SECISBP2L: variants seen among roughly 807,000 people sequenced by gnomAD.
The protein encoded by SECISBP2L is SECIS binding protein 2 like.
In SECISBP2L, 43 loss-of-function variants were observed where a neutral mutation model predicts 114.7. The observed-to-expected ratio is 0.38, with a 90% CI of 0.29 to 0.48. SECISBP2L has a LOEUF of 0.48. Among genes scored for constraint, SECISBP2L ranks in the 20% least tolerant of loss-of-function variants. The pLI is 0.98. For missense variants in SECISBP2L, 1,136 were observed against 1,301.1 expected (o/e 0.87, Z 1.95); for synonymous variants, 451 against 439.7 (o/e 1.03, Z -0.32).
chr15:48,992,993 A>C, intron 17 of SECISBP2L, 67 bp from the exon 18 acceptor site: 1 of 1,331,356 alleles, frequency 7.5e-7, no homozygotes, highest in African/African-American at 1.5e-5. Context: ...CTCTTTAAAA[A>C]CCCCCAAAAA....
At chr15:49,025,149 T>C (rs1306024448) in intron 7 of SECISBP2L, among the ~76,000 whole-genome samples, 1 of 152,242 alleles carries the variant, frequency 6.6e-6, no homozygotes, top group Non-Finnish European at 1.5e-5. Flanking sequence ...TTAGCTCTTT[T>C]GTTTTTAATC....
At chr15:49,001,434 T>C (rs1902206672) in intron 14 of SECISBP2L, among the ~76,000 whole-genome samples, 1 of 151,724 alleles carries the variant, frequency 6.6e-6, no homozygotes, top group Non-Finnish European at 1.5e-5. Context: ...TTAACAAATA[T>C]ATTTGTTGTC....
In SECISBP2L at chr15:49,035,378, T is replaced by C. The variant is rs770867762; in HGVS notation, c.484A>G (p.Ser162Gly). The change falls in exon 3 of 18, where the codon AGC becomes GGC. Residue 162 changes from serine (S) to glycine (G), a missense_variant. Physicochemically the swap from Ser to Gly is moderately conservative, Grantham distance 56 (BLOSUM62 0). Transcript: ENST00000559471. ...SQLGQVFPLS[S>G]HRSRNSNRGS... ...CTGTTACTGTTTCTGCTTCGATGGC[T>C]GGACAATGGGAAGACCTGTCCAAGC... is the stretch of plus-strand genomic sequence containing the variant. 7.7e-5 allele frequency: 124 copies of C among 1,614,076 alleles called. No individual in the cohort carries two copies. Among genetic ancestry groups the C allele is most frequent in the Non-Finnish European group, 9.2e-5 (109 of 1,180,026 alleles).
chr15:48,993,374 G>A (rs936445606), intron 17 of SECISBP2L, among the ~76,000 whole-genome samples: 2 of 152,000 alleles, frequency 1.3e-5, no homozygotes, highest in African/African-American at 2.4e-5. Context: ...GTATATTAAC[G>A]CTTCAGAATG....
At chr15:49,043,795 C>T (rs923673489) in intron 1 of SECISBP2L, among the ~76,000 whole-genome samples, 12 of 151,884 alleles carry the variant, frequency 7.9e-5, no homozygotes, top group African/African-American at 2.7e-4. Context: ...TTCAAATAAT[C>T]ATTATTGCAA....
chr15:49,001,183 G>T, intron 14 of SECISBP2L, 86 bp from the exon 15 acceptor site: 1 of 813,126 alleles, frequency 1.2e-6, no homozygotes, highest in Non-Finnish European at 1.9e-6. Flanking sequence ...ATCTCTAAGA[G>T]AAAATATATA....
chr15:49,022,389 C>T (rs1902657397), intron 7 of SECISBP2L, among the ~76,000 whole-genome samples: 1 of 152,176 alleles, frequency 6.6e-6, no homozygotes, highest in African/African-American at 2.4e-5. Flanking sequence ...CGCTTGAGGT[C>T]AGGAGTTCGA....
In SECISBP2L at chr15:49,040,693, G is replaced by A. The variant is rs189137791; in HGVS notation, c.25-2924C>T. Among the ~76,000 whole-genome samples the A allele has an allele frequency of 1.1e-3, 160 of 150,650 alleles. 2 individuals carry two copies. The East Asian group carries it at 0.026, about 25-fold the overall frequency. ...TGGGACTACAGGCGCCCACCATCAC[G>A]CCCGGCTAATTTTTTTTTGAATTTT... On this transcript the variant is annotated intron_variant, in intron 1 of 17. Coordinates refer to ENST00000559471, the MANE Select transcript of SECISBP2L (RefSeq NM_001193489.2).
At chr15:49,009,645 G>A (rs569906787) in intron 13 of SECISBP2L, among the ~76,000 whole-genome samples, 2 of 151,142 alleles carry the variant, frequency 1.3e-5, no homozygotes, top group South Asian at 4.2e-4. Context: ...AGGGTGAGGC[G>A]AGAAAATCGC....
At position 49,028,535 on chromosome 15, in the gene SECISBP2L, T is replaced by A. The variant is rs781394314; in HGVS notation, c.812A>T (p.Asp271Val). The change falls in exon 5 of 18, where the codon GAT becomes GTT. Residue 271 changes from aspartate to valine, a missense_variant. By Grantham distance (152) the Asp-to-Val change is radical. Coordinates refer to ENST00000559471, the MANE Select transcript of SECISBP2L (RefSeq NM_001193489.2). ...QGASEADIDS[D>V]SGYCSPKHSN... ...GTGTTTGGGACTGCAGTAACCACTA[T>A]CACTGTCAATGTCGGCTTCACTAGC... 6.2e-7 allele frequency: 1 copy of A among 1,614,040 alleles called. No individual in the cohort carries two copies. The highest frequency in any genetic ancestry group is 8.5e-7 in the Non-Finnish European group (1 of 1,180,034).
Position 49,046,312 on chromosome 15 carries a change from C to T in SECISBP2L, c.-13G>A, listed in dbSNP as rs1447162702. ...GGGCTCGGTCCATGGTGCCTGCAGC[C>T]GCAACGGGCCCGCGCTAGTCGGTGT... On this transcript the variant is annotated 5_prime_UTR_variant, in exon 1 of 18. Transcript: ENST00000559471. 7.8e-6 allele frequency: 12 copies of T among 1,544,408 alleles called. No homozygotes were observed. The highest frequency in any genetic ancestry group is 1.0e-5 in the Non-Finnish European group (12 of 1,145,874).
chr15:49,028,378 A>T, intron 5 of SECISBP2L, 75 bp downstream of exon 5: 1 of 1,383,458 alleles, frequency 7.2e-7, no homozygotes, highest in Non-Finnish European at 1.0e-6. Flanking sequence ...ACAGATACTT[A>T]AGCTTTAGCA....
intron 12 of SECISBP2L, among the ~76,000 whole-genome samples, chr15:49,012,158 A>G (rs1463130557): frequency 6.6e-6 from 1 of 152,140 alleles, no homozygotes; most frequent in Non-Finnish European, 1.5e-5. Flanking sequence ...TAAATTAAAA[A>G]GTTTGGAACC....
rs754730165 is a variant in SECISBP2L, at chr15:48,992,550, T to TTCC, written c.2997_2999dup (p.Glu1000dup). 1.9e-6 allele frequency: 3 copies of TTCC among 1,614,130 alleles called. No individual in the cohort carries two copies. The highest frequency in any genetic ancestry group is 1.3e-5 in the African/African-American group (1 of 75,026). ...CAGATATGGGTTCATGAGTATAATC[T>TTCC]TCCTCCTCCTCCTCATCTTCATCTT... On this transcript the variant is annotated inframe_insertion, in exon 18 of 18. Coordinates refer to ENST00000559471, the MANE Select transcript of SECISBP2L (RefSeq NM_001193489.2).
chr15:49,046,109 G>A (rs1250310521), intron 1 of SECISBP2L, among the ~76,000 whole-genome samples, 167 bp downstream of exon 1: 1 of 152,230 alleles, frequency 6.6e-6, no homozygotes, highest in African/African-American at 2.4e-5. Context: ...GTCCCAGGCA[G>A]CAGCTGGAAC....
intron 1 of SECISBP2L, among the ~76,000 whole-genome samples, chr15:49,042,941 C>T (rs114677276): frequency 2.0e-3 from 303 of 152,250 alleles, no homozygotes; most frequent in African/African-American, 7.0e-3. Context: ...GGCAGGAGAA[C>T]TGCTTGAACT....
Position 49,009,386 on chromosome 15 carries a change from G to C in SECISBP2L, c.1865-8C>G. The C allele has an allele frequency of 6.2e-7, 1 of 1,603,122 alleles. No individual in the cohort carries two copies. The highest frequency in any genetic ancestry group is 8.5e-7 in the Non-Finnish European group (1 of 1,175,626). On this transcript the variant is annotated splice_polypyrimidine_tract_variant and splice_region_variant and intron_variant, in intron 13 of 17. Transcript: ENST00000559471. ...GCATGCTTAGTCCAGTATCTGTGGA[G>C]ATGTGGAGTGAAGGGAAAAAATTTA...
chr15:49,037,215 G>C (rs1903027376), intron 2 of SECISBP2L, among the ~76,000 whole-genome samples: 2 of 125,756 alleles, frequency 1.6e-5, no homozygotes, highest in African/African-American at 6.2e-5. Flanking sequence ...CTATTGCTTG[G>C]TATTTTCTTT....
intron 16 of SECISBP2L, 65 bp from the exon 17 acceptor site, chr15:48,996,651 A>C: frequency 7.3e-7 from 1 of 1,375,662 alleles, no homozygotes; most frequent in Non-Finnish European, 1.0e-6. Flanking sequence ...TATTATGGAT[A>C]ATAAATATCT....
Sources: allele counts gnomAD v4.1 joint callset (sites outside exome capture counted in the v4.1 genomes callset), GRCh38; gene constraint gnomAD v4.1.1; transcripts MANE v1.5; gene names NCBI Gene and HGNC (gene_info 2026-07-23, HGNC 2026-07-21).